RNF212B: variants seen among roughly 807,000 people sequenced by gnomAD.
RNF212B encodes ring finger protein 212B.
RNF212B carries 52 observed loss-of-function variants against 55.5 expected under a neutral mutation model. That is an observed-to-expected ratio of 0.94 (90% CI 0.75 to 1.18). RNF212B has a LOEUF of 1.18. Among genes scored for constraint, RNF212B ranks in the 50% most tolerant of loss-of-function variants. The pLI, the probability that RNF212B is intolerant of heterozygous loss-of-function variation, is 0.00. For missense variants in RNF212B, 289 were observed against 350.4 expected (o/e 0.82, Z 1.40); for synonymous variants, 99 against 121.4 (o/e 0.82, Z 1.21).
intron 1 of RNF212B, among the ~76,000 whole-genome samples, chr14:23,239,629 T>C (rs1341668329): frequency 7.9e-5 from 12 of 151,902 alleles, no homozygotes; most frequent in Admixed American, 7.9e-4. Flanking sequence ...TTCTTTTTCT[T>C]TTTTTTTGAG....
chr14:23,262,623 G>A (rs1440021188), intron 7 of RNF212B, 42 bp from the exon 8 acceptor site: 4 of 1,538,124 alleles, frequency 2.6e-6, no homozygotes, highest in African/African-American at 2.8e-5. Context: ...CTTGACCTCT[G>A]CCTAGAGAGA....
chr14:23,211,527 A>G (rs1880518341), intron 2 of RNF212B, among the ~76,000 whole-genome samples: 2 of 152,216 alleles, frequency 1.3e-5, no homozygotes, highest in Non-Finnish European at 2.9e-5. Context: ...AGCATTATTC[A>G]GATACCAAAA....
At chr14:23,263,567 C>A (rs913744532) in intron 9 of RNF212B, among the ~76,000 whole-genome samples, 4 of 152,160 alleles carry the variant, frequency 2.6e-5, no homozygotes, top group African/African-American at 7.2e-5. Context: ...GAGAAGAGGA[C>A]ATAAAAACGA....
At chr14:23,235,649 T>C (rs1364080193), upstream of RNF212B, among the ~76,000 whole-genome samples, 2 of 152,254 alleles carry the variant, frequency 1.3e-5, no homozygotes, top group Non-Finnish European at 2.9e-5. Flanking sequence ...AAGACTCAAA[T>C]ACTTACCTGA....
chr14:23,258,738 T>C (rs1885055872), intron 5 of RNF212B, 74 bp downstream of exon 5: 1 of 627,098 alleles, frequency 1.6e-6, no homozygotes. Context: ...CCTTATTGTG[T>C]TTGCAAAGCC....
At chr14:23,260,557 C>A in intron 6 of RNF212B, 102 bp from the exon 7 acceptor site, 1 of 1,061,112 alleles carries the variant, frequency 9.4e-7, no homozygotes, top group Non-Finnish European at 1.4e-6. Flanking sequence ...GCAACCATGA[C>A]TAAGGGGCAC....
intron 4 of RNF212B, among the ~76,000 whole-genome samples, chr14:23,257,404 TA>T (rs1884927210): frequency 3.3e-5 from 5 of 152,234 alleles, no homozygotes; most frequent in African/African-American, 9.6e-5. Context: ...TAGACTAGAG[TA>T]AATTCTTATC....
intron 5 of RNF212B, among the ~76,000 whole-genome samples, 156 bp downstream of exon 5, chr14:23,258,820 A>T (rs1035721729): frequency 6.7e-6 from 1 of 149,320 alleles, no homozygotes; most frequent in Admixed American, 6.8e-5. Flanking sequence ...CTGAATCTCC[A>T]TTTTTTCTCT....
At position 23,243,300 on chromosome 14, in the gene RNF212B, T is replaced by G; in HGVS notation, c.145T>G (p.Ser49Ala). 6.4e-7 allele frequency: 1 copy of G among 1,550,462 alleles called. No homozygotes were observed. The highest frequency in any genetic ancestry group is 8.7e-7 in the Non-Finnish European group (1 of 1,146,964). The change falls in exon 3 of 15, where the codon TCT becomes GCT. Residue 49 changes from serine to alanine, a missense_variant. Transcript: ENST00000430154. The stretch of plus-strand genomic sequence containing the variant: ...AACTGCCTGCAAGCATCTGGCTCTT[T>G]CTGATAATGTAAGTTTTTCTCCCCC... ...CGTACKHLAL[S>A]DNLKPQEKMF...
At chr14:23,262,212 T>C (rs1594946333) in intron 7 of RNF212B, among the ~76,000 whole-genome samples, 1 of 152,210 alleles carries the variant, frequency 6.6e-6, no homozygotes, top group East Asian at 1.9e-4. Flanking sequence ...TCAGTTATTC[T>C]AGTTATCTTT....
intron 2 of RNF212B, among the ~76,000 whole-genome samples, chr14:23,206,249 A>G (rs542075756): frequency 6.6e-6 from 1 of 152,132 alleles, no homozygotes; most frequent in Non-Finnish European, 1.5e-5. Flanking sequence ...TAATTTTTGT[A>G]TTTTTAGTAG....
intron 2 of RNF212B, among the ~76,000 whole-genome samples, chr14:23,223,564 C>T (rs1881753233): frequency 6.6e-6 from 1 of 152,090 alleles, no homozygotes; most frequent in Non-Finnish European, 1.5e-5. Context: ...ACGATGTTAG[C>T]CAGGATGGTC....
chr14:23,213,082 G>A (rs1880690485), intron 2 of RNF212B, among the ~76,000 whole-genome samples: 1 of 152,040 alleles, frequency 6.6e-6, no homozygotes, highest in South Asian at 2.1e-4. Context: ...GGAGGCCGAG[G>A]TGGGCATATC....
chr14:23,242,949 A>T (rs896278557), intron 2 of RNF212B, among the ~76,000 whole-genome samples: 1 of 151,978 alleles, frequency 6.6e-6, no homozygotes, highest in Non-Finnish European at 1.5e-5. Context: ...ACTGCATTCC[A>T]GCCTGGGTGA....
At chr14:23,262,894 G>T in intron 8 of RNF212B, 34 bp from the exon 9 acceptor site, 2 of 1,548,908 alleles carry the variant, frequency 1.3e-6, no homozygotes, top group Non-Finnish European at 1.7e-6. Context: ...ACCATTGATG[G>T]CAACTTTTTA....
At chr14:23,216,879 C>CAAAA (rs59923716) in intron 2 of RNF212B, among the ~76,000 whole-genome samples, 18,860 of 48,698 alleles carry the variant, frequency 0.39, 6,384 homozygotes, top group East Asian at 0.51. Flanking sequence ...GACCCTGTCT[C>CAAAA]AAAAAAAAAA....
chr14:23,271,311 C>T (rs533541094), intron 14 of RNF212B, among the ~76,000 whole-genome samples: 142 of 151,920 alleles, frequency 9.3e-4, no homozygotes, highest in Non-Finnish European at 1.9e-3. Flanking sequence ...GGTGTGGTGG[C>T]GGGTGCCTGT....
At chr14:23,198,715 C>T (rs1041455279) in intron 2 of RNF212B, among the ~76,000 whole-genome samples, 2 of 151,566 alleles carry the variant, frequency 1.3e-5, no homozygotes, top group Non-Finnish European at 2.9e-5. Flanking sequence ...ACACTATACT[C>T]TAGCTGGTAA....
intron 6 of RNF212B, among the ~76,000 whole-genome samples, chr14:23,260,416 G>A (rs763179664): frequency 3.9e-5 from 6 of 152,072 alleles, no homozygotes; most frequent in Non-Finnish European, 8.8e-5. Context: ...CAGAGACTCC[G>A]TATTTCCCCA....
Sources: gnomAD v4.1 joint callset for allele counts (sites outside exome capture counted in the v4.1 genomes callset) on GRCh38, gnomAD v4.1.1 for gene constraint, MANE v1.5 for transcripts, NCBI Gene and HGNC (gene_info 2026-07-23, HGNC 2026-07-21) for gene names.